ABHD6: variants seen among roughly 807,000 people sequenced by gnomAD.
The protein encoded by ABHD6 is monoacylglycerol lipase ABHD6.
A neutral mutation model predicts 38.8 loss-of-function variants in ABHD6; 33 were observed. That is an observed-to-expected ratio of 0.85 (90% CI 0.64 to 1.14). ABHD6 has a LOEUF of 1.14. ABHD6 is among the 50% of genes most tolerant of loss of function. The pLI is 0.00. For missense variants in ABHD6, 380 were observed against 422.6 expected (o/e 0.90, Z 0.88); for synonymous variants, 147 against 161.6 (o/e 0.91, Z 0.69).
In ABHD6 at chr3:58,285,253, A is replaced by T; in HGVS notation, c.737-100A>T. 6.6e-7 allele frequency: 1 copy of T among 1,520,942 alleles called. No individual in the cohort carries two copies. The highest frequency in any genetic ancestry group is 2.3e-5 in the East Asian group (1 of 44,370). The allele number at this position is 1,520,942 out of a possible 1,614,324, so 94.2% of individuals were successfully genotyped here. Reference sequence around the variant, plus strand: ...AATGTCTCTTTGGGCCCCTGAAGAGAGGAAGTGGTGGCCTGGATCTGGTGA... The same window carrying T: ...AATGTCTCTTTGGGCCCCTGAAGAGTGGAAGTGGTGGCCTGGATCTGGTGA... On this transcript the variant is annotated intron_variant, in intron 8 of 9. Transcript: ENST00000478253. This position sits in a 1 kb window ranked among gnomAD's most constrained non-coding sequence, Gnocchi z 4.9.
chr3:58,283,112 A>G (rs2097454505), intron 7 of ABHD6, among the ~76,000 whole-genome samples: 2 of 152,194 alleles, frequency 1.3e-5, no homozygotes, highest in Non-Finnish European at 2.9e-5. Context: ...TCCCATTCAG[A>G]AGTTGTGAAC....
chr3:58,260,442 A>G (rs1442865776), intron 3 of ABHD6, among the ~76,000 whole-genome samples: 1 of 152,210 alleles, frequency 6.6e-6, no homozygotes, highest in Non-Finnish European at 1.5e-5. Context: ...TTTTAGTAAT[A>G]AAACCCATGA....
chr3:58,291,274 A>G (rs2097462694), intron 9 of ABHD6, among the ~76,000 whole-genome samples: 1 of 151,578 alleles, frequency 6.6e-6, no homozygotes, highest in Non-Finnish European at 1.5e-5. Flanking sequence ...GGCACTCGGC[A>G]GGCTGAGGCA....
In ABHD6 at chr3:58,251,583, C is replaced by G. The variant is rs145307197; in HGVS notation, c.-26+1641C>G. Reference sequence around the variant, plus strand: ...TGTTTATCTGGATCCACTGACATGTCCCCTATCCAATTAATCTTTGCCACT... The same window carrying G: ...TGTTTATCTGGATCCACTGACATGTGCCCTATCCAATTAATCTTTGCCACT... On this transcript the variant is annotated intron_variant, in intron 2 of 9. Coordinates refer to ENST00000478253, the MANE Select transcript of ABHD6 (RefSeq NM_001320126.2). The surrounding 1 kb of genome is among the most constrained non-coding windows in gnomAD (Gnocchi z 5.4). Among the ~76,000 whole-genome samples the G allele has an allele frequency of 6.6e-5, 10 of 152,294 alleles. No individual in the cohort carries two copies. The highest frequency in any genetic ancestry group is 2.4e-4 in the African/African-American group (10 of 41,560).
rs1055561689 is a variant in ABHD6, at chr3:58,287,209, A to G, written c.837+1756A>G. 6.6e-6 allele frequency among the ~76,000 whole-genome samples: 1 copy of G among 152,104 alleles called. No individual in the cohort carries two copies. ...TGAGGCAGGAGGATCACTTGAGTCCAGGACATGGAGGTGGCAGTGAGCCGT... is the reference window on the plus strand; with the variant it reads ...TGAGGCAGGAGGATCACTTGAGTCCGGGACATGGAGGTGGCAGTGAGCCGT... On this transcript the variant is annotated intron_variant, in intron 9 of 9. Transcript: ENST00000478253. The surrounding 1 kb of genome is among the most constrained non-coding windows in gnomAD (Gnocchi z 4.7).
At chr3:58,290,740 G>A (rs1444756731) in intron 9 of ABHD6, among the ~76,000 whole-genome samples, 3 of 151,678 alleles carry the variant, frequency 2.0e-5, no homozygotes, top group East Asian at 2.0e-4. Flanking sequence ...CATCCCAGAC[G>A]GGCCGGCGGG....
intron 7 of ABHD6, among the ~76,000 whole-genome samples, chr3:58,279,170 C>T (rs893585414): frequency 6.6e-6 from 1 of 152,146 alleles, no homozygotes; most frequent in African/African-American, 2.4e-5. Context: ...AACCTTCTGT[C>T]TCATTGATCT....
At chr3:58,250,372 G>C (rs2097429099) in intron 2 of ABHD6, among the ~76,000 whole-genome samples, 1 of 152,140 alleles carries the variant, frequency 6.6e-6, no homozygotes, top group African/African-American at 2.4e-5. Context: ...CTGGTTATTT[G>C]GAGTGCAGGC....
At chr3:58,248,652 C>T (rs533387109) in intron 1 of ABHD6, among the ~76,000 whole-genome samples, 30 of 152,152 alleles carry the variant, frequency 2.0e-4, no homozygotes, top group African/African-American at 4.8e-4. Context: ...GAGCTGAGAT[C>T]GCGGCATTGC....
intron 3 of ABHD6, among the ~76,000 whole-genome samples, chr3:58,264,824 C>A (rs1407545437): frequency 2.0e-5 from 3 of 152,090 alleles, no homozygotes; most frequent in Non-Finnish European, 4.4e-5. Flanking sequence ...TGTTTTGATA[C>A]AGGTATGCCA....
At chr3:58,243,348 C>T (rs1459250733) in intron 1 of ABHD6, among the ~76,000 whole-genome samples, 1 of 152,102 alleles carries the variant, frequency 6.6e-6, no homozygotes, top group Non-Finnish European at 1.5e-5. Context: ...AGCCAGTGTT[C>T]TTATCACGAG....
intron 3 of ABHD6, among the ~76,000 whole-genome samples, chr3:58,258,914 C>T (rs1164850298): frequency 6.6e-6 from 1 of 152,180 alleles, no homozygotes; most frequent in African/African-American, 2.4e-5. Flanking sequence ...AAGCGAGACT[C>T]ACTCTGAAGC....
rs368528682 is a variant in ABHD6, at chr3:58,245,235, GC to G, written c.-90-4642del. ...GCTGGAGTGCAATGGCTCGATCTCA[GC>G]TCATTGCAAACTCTGCCTCCCAGGT... On this transcript the variant is annotated intron_variant, in intron 1 of 9. Coordinates refer to ENST00000478253, the MANE Select transcript of ABHD6 (RefSeq NM_001320126.2). 2.7e-4 allele frequency among the ~76,000 whole-genome samples: 41 copies of G among 152,266 alleles called. No homozygotes were observed. The South Asian group carries it at 3.5e-3, about 13-fold the overall frequency.
chr3:58,282,139 T>G (rs1033974057), intron 7 of ABHD6, among the ~76,000 whole-genome samples: 1 of 152,216 alleles, frequency 6.6e-6, no homozygotes, highest in East Asian at 1.9e-4. Flanking sequence ...GGAAAGTAGT[T>G]TGACCTCCTA....
In ABHD6 at chr3:58,266,432, T is replaced by TA. The variant is rs35038625; in HGVS notation, c.120-743dup. Among the ~76,000 whole-genome samples the TA allele has an allele frequency of 1.5e-3, 198 of 132,476 alleles. No homozygotes were observed. The highest frequency in any genetic ancestry group is 2.6e-3 in the East Asian group (12 of 4,584). 86.9% of individuals were successfully genotyped at this position (132,476 alleles called of 152,430 possible). A position where few individuals can be genotyped will look rare whatever the true frequency, so the allele number is the denominator to read the frequency against. On this transcript the variant is annotated intron_variant, in intron 3 of 9. Transcript: ENST00000478253. This position sits in a 1 kb window ranked among gnomAD's most constrained non-coding sequence, Gnocchi z 4.0. ...GTGGGTGACAGAGCGAGACTGTATC[T>TA]AAAAAAAAAAAAAACCTGACCAAAC...
intron 7 of ABHD6, among the ~76,000 whole-genome samples, chr3:58,277,938 C>G (rs1336410904): frequency 6.6e-6 from 1 of 152,146 alleles, no homozygotes; most frequent in Non-Finnish European, 1.5e-5. Flanking sequence ...GTTGAACCAG[C>G]CTTACATCTC....
At chr3:58,275,978 G>A (rs1486125174) in intron 7 of ABHD6, among the ~76,000 whole-genome samples, 2 of 152,144 alleles carry the variant, frequency 1.3e-5, no homozygotes, top group African/African-American at 4.8e-5. Flanking sequence ...GTATTCCATG[G>A]TCTGTATGTG....
At chr3:58,283,893 A>G (rs907108754) in intron 7 of ABHD6, among the ~76,000 whole-genome samples, 1 of 152,230 alleles carries the variant, frequency 6.6e-6, no homozygotes, top group African/African-American at 2.4e-5. Context: ...TTGTTATTCA[A>G]CAAATTGTCA....
chr3:58,270,824 A>T, intron 5 of ABHD6, 108 bp from the exon 6 acceptor site: 1 of 1,239,766 alleles, frequency 8.1e-7, no homozygotes, highest in Non-Finnish European at 1.1e-6. Flanking sequence ...TTTAAACAGT[A>T]GTCATTTTCA....
Sources: allele counts gnomAD v4.1 joint callset (sites outside exome capture counted in the v4.1 genomes callset), GRCh38; gene constraint gnomAD v4.1.1; non-coding constraint Gnocchi (gnomAD v3.1); transcripts MANE v1.5; gene names NCBI Gene and HGNC (gene_info 2026-07-23, HGNC 2026-07-21).